Variants in SHLD2 observed in about 807,000 individuals in gnomAD.
The protein encoded by SHLD2 is RINN1-REV7-interacting novel NHEJ regulator 2.
SHLD2 carries 30 observed loss-of-function variants against 73.2 expected under a neutral mutation model. The ratio of observed to expected loss-of-function variants is 0.41; its 90% CI spans 0.31 to 0.56. The LOEUF (loss-of-function observed/expected upper bound fraction) is 0.56, where lower values mean the gene tolerates loss of function less well. SHLD2 is among the 20% of genes least tolerant of loss of function. The pLI is 0.28. For synonymous variants in SHLD2, 285 were observed against 370.1 expected, an observed-to-expected ratio of 0.77 and a Z score of 2.64; for missense variants, 745 against 1,055.9, an observed-to-expected ratio of 0.71 and a Z score of 4.08.
intron 2 of SHLD2, among the ~76,000 whole-genome samples, chr10:87,137,473 A>C (rs999252519): frequency 3.3e-4 from 50 of 152,272 alleles, no homozygotes; most frequent in African/African-American, 1.0e-3. Context: ...TTATGGACAT[A>C]GCAGAAGAAA....
intron 2 of SHLD2, among the ~76,000 whole-genome samples, chr10:87,126,438 T>C (rs1844012935): frequency 1.3e-5 from 2 of 152,270 alleles, no homozygotes; most frequent in Admixed American, 6.5e-5. Flanking sequence ...AATGACTTTT[T>C]TGATTTTGTT....
intron 2 of SHLD2, among the ~76,000 whole-genome samples, chr10:87,142,371 CAG>C (rs2134237116): frequency 6.6e-6 from 1 of 152,300 alleles, no homozygotes; most frequent in Admixed American, 6.5e-5. Context: ...GGCAAAAAAC[CAG>C]AGAGTCAGTG....
chr10:87,190,495 G>C lies in SHLD2; in HGVS notation c.2527G>C (p.Glu843Gln), dbSNP rs760111244. The change falls in exon 10 of 10, where the codon GAG (glutamate) becomes CAG (glutamine). Residue 843 changes from glutamate (E) to glutamine (Q), a missense_variant. Around this residue, in one of 5 missense-constraint regions of SHLD2, gnomAD observed 418 missense variants for 567.8 expected, o/e 0.74. Coordinates refer to ENST00000298786, the MANE Select transcript of SHLD2 (RefSeq NM_001330112.2). ...TTTGTCTTTTGCAGTTCCTTCCTCA[G>C]AGATCACCTATGGGATGGTCGTGGC... ...CLNRVIVPSS[E>Q]ITYGMVVADL... 6.2e-7 allele frequency: 1 copy of C among 1,611,980 alleles called. No individual in the cohort carries two copies. The highest frequency in any genetic ancestry group is 1.7e-5 in the Admixed American group (1 of 60,012).
intron 6 of SHLD2, among the ~76,000 whole-genome samples, chr10:87,174,330 AAAC>A (rs1417124364): frequency 6.7e-6 from 1 of 149,918 alleles, no homozygotes; most frequent in Non-Finnish European, 1.5e-5. Context: ...ATAAAATCCC[AAAC>A]AACTGGTTGT....
chr10:87,180,672 T>C (rs577483849), intron 8 of SHLD2, among the ~76,000 whole-genome samples: 1 of 152,326 alleles, frequency 6.6e-6, no homozygotes, highest in Admixed American at 6.5e-5. Context: ...CTCTGAGTTG[T>C]TGTGGAAGCT....
At chr10:87,175,313 T>C (rs908260963) in intron 6 of SHLD2, among the ~76,000 whole-genome samples, 9 of 152,002 alleles carry the variant, frequency 5.9e-5, no homozygotes, top group African/African-American at 2.2e-4. Flanking sequence ...ATGAGAATTT[T>C]CTTTACAGAA....
At chr10:87,123,224 AATC>A (rs1235051390) in intron 2 of SHLD2, among the ~76,000 whole-genome samples, 1 of 152,256 alleles carries the variant, frequency 6.6e-6, no homozygotes, top group Non-Finnish European at 1.5e-5. Flanking sequence ...ATACCAAAAT[AATC>A]AACATTTATT....
chr10:87,182,769 G>A (rs1321112828), intron 8 of SHLD2, among the ~76,000 whole-genome samples: 1 of 151,708 alleles, frequency 6.6e-6, no homozygotes. Context: ...GTCATCTGAA[G>A]GCTTGACTGG....
rs1458620213 is a variant in SHLD2 at position 87,175,487 on chromosome 10, C to T, written c.1964-402C>T. ...GATCATGAGGTCAGGAGTTCAAGAC[C>T]AGCCTGACCAACATGGTGAAACCCT... On this transcript the variant is annotated intron_variant, in intron 6 of 9. Transcript: ENST00000298786. Among the ~76,000 whole-genome samples, 5 of 151,690 alleles carry T rather than the reference C, an allele frequency of 3.3e-5. No homozygotes were observed. In the East Asian group the frequency reaches 9.7e-4, roughly 29 times the overall value.
intron 2 of SHLD2, among the ~76,000 whole-genome samples, chr10:87,148,809 T>G (rs1845811358): frequency 6.6e-6 from 1 of 151,712 alleles, no homozygotes; most frequent in South Asian, 2.1e-4. Flanking sequence ...AAGCCAAAGA[T>G]CTGACGGAGG....
At chr10:87,175,585 G>A (rs1564612640) in intron 6 of SHLD2, among the ~76,000 whole-genome samples, 1 of 151,940 alleles carries the variant, frequency 6.6e-6, no homozygotes, top group South Asian at 2.1e-4. Flanking sequence ...TCAGGAGGCC[G>A]AGGCAGGAGA....
At position 87,152,167 on chromosome 10, in the gene SHLD2, C is replaced by G; in HGVS notation, c.813C>G (p.Asn271Lys). ...RRSPVNKGNV[N>K]METEPKASYG... ...GTCCTGTAAATAAAGGGAATGTAAA[C>G]ATGGAGACTGAACCAAAGGCAAGTT... The change falls in exon 3 of 10, where the codon AAC becomes AAG. Residue 271 changes from asparagine (N) to lysine (K), a missense_variant. By Grantham distance (94) the Asn-to-Lys change is moderately conservative (BLOSUM62 0). Around this residue, in one of 5 missense-constraint regions of SHLD2, gnomAD observed 280 missense variants for 353.9 expected, o/e 0.79. Coordinates refer to ENST00000298786, the MANE Select transcript of SHLD2 (RefSeq NM_001330112.2). The G allele has an allele frequency of 1.2e-6, 2 of 1,608,886 alleles. No homozygotes were observed. The highest frequency in any genetic ancestry group is 1.7e-6 in the Non-Finnish European group (2 of 1,178,146).
intron 2 of SHLD2, among the ~76,000 whole-genome samples, chr10:87,147,319 TAG>T (rs1252789990): frequency 6.6e-6 from 1 of 151,578 alleles, no homozygotes; most frequent in East Asian, 2.0e-4. Flanking sequence ...TGAAATTCTC[TAG>T]AGGTGTGTGG....
intron 2 of SHLD2, among the ~76,000 whole-genome samples, chr10:87,141,409 C>T (rs1223225694): frequency 8.1e-5 from 12 of 149,058 alleles, no homozygotes; most frequent in African/African-American, 2.2e-4. Context: ...GGCATAGTCT[C>T]GGCTCACTGC....
intron 2 of SHLD2, among the ~76,000 whole-genome samples, chr10:87,149,351 G>T (rs1364716374): frequency 6.6e-6 from 1 of 151,918 alleles, no homozygotes; most frequent in Admixed American, 6.6e-5. Context: ...CCTTATGAAG[G>T]TTATTCTTTC....
Position 87,151,738 on chromosome 10 carries a change from A to G in SHLD2, c.384A>G (p.Thr128=), listed in dbSNP as rs1288022797. ...SNMQICGFKS[T]VPHFTEEEKY... ...TGCAAATATGTGGATTTAAAAGCAC[A>G]GTTCCGCATTTCACCGAAGAAGAAA... is the stretch of plus-strand genomic sequence containing the variant. The change falls in exon 3 of 10, where the codon ACA becomes ACG. Residue 128 remains threonine (T), a synonymous_variant. Coordinates refer to ENST00000298786, the MANE Select transcript of SHLD2 (RefSeq NM_001330112.2). 6.2e-7 allele frequency: 1 copy of G among 1,612,024 alleles called. No homozygotes were observed. Among genetic ancestry groups the G allele is most frequent in the African/African-American group, 1.3e-5 (1 of 74,990 alleles).
chr10:87,101,155 T>C (rs138237409), intron 2 of SHLD2, among the ~76,000 whole-genome samples: 530 of 152,292 alleles, frequency 3.5e-3, no homozygotes, highest in Non-Finnish European at 5.8e-3. Context: ...TTCTGTGGCA[T>C]AACAAGATTA....
intron 8 of SHLD2, among the ~76,000 whole-genome samples, chr10:87,181,167 G>T (rs559015196): frequency 6.8e-6 from 1 of 147,852 alleles, no homozygotes; most frequent in Non-Finnish European, 1.5e-5. Flanking sequence ...GATCGCTTGA[G>T]CCCAGGGGTT....
chr10:87,160,412 C>A (rs1410333990), intron 4 of SHLD2, among the ~76,000 whole-genome samples: 6 of 152,118 alleles, frequency 3.9e-5, no homozygotes, highest in Admixed American at 1.3e-4. Context: ...AAAGTTGAGG[C>A]TGCAGTGAGC....
Sources: gnomAD v4.1 joint callset for allele counts (sites outside exome capture counted in the v4.1 genomes callset) on GRCh38, gnomAD v4.1.1 for gene constraint, gnomAD v4.1.1 regional missense constraint, MANE v1.5 for transcripts, NCBI Gene and HGNC (gene_info 2026-07-23, HGNC 2026-07-21) for gene names.